The following ZFP14 variants were observed in gnomAD, a reference collection of about 807,000 sequenced individuals.
ZFP14 encodes the protein zinc finger protein 14 homolog.
Under a neutral mutation model 54.5 loss-of-function variants are expected in ZFP14, and 22 were observed. The observed-to-expected ratio is 0.40, with a 90% confidence interval of 0.29 to 0.58. ZFP14 has a LOEUF of 0.58. Ranked by LOEUF, ZFP14 falls within the 20% of genes least tolerant of loss-of-function variation. The probability of loss-of-function intolerance (pLI) is 0.39; values close to 1 mark genes in which losing one functional copy is unlikely to be tolerated. For missense variants in ZFP14, 470 were observed against 637.8 expected (o/e 0.74, Z 2.83); for synonymous variants, 159 against 204.0 (o/e 0.78, Z 1.88).
intron 2 of ZFP14, among the ~76,000 whole-genome samples, chr19:36,364,160 C>T (rs1404851855): frequency 6.6e-6 from 1 of 152,148 alleles, no homozygotes; most frequent in African/African-American, 2.4e-5. Context: ...CCTATTCACC[C>T]TGTTGGTGAA....
rs751461218 is a variant in ZFP14 at position 36,362,156 on chromosome 19, T to C, written c.92A>G (p.Tyr31Cys). The change falls in exon 3 of 5, where the codon TAT becomes TGT. Residue 31 changes from tyrosine to cysteine, a missense_variant. Tyr to Cys is a radical substitution (Grantham distance 194). Transcript: ENST00000270001. ...GTAGTTCTCCCACATTACATCCCTA[T>C]ATAAGTCCCTCTGAGCAGGATCCAG... ...EFLDPAQRDL[Y>C]RDVMWENYSN... 6.2e-7 allele frequency: 1 copy of C among 1,612,374 alleles called. No homozygotes were observed. The highest frequency in any genetic ancestry group is 8.5e-7 in the Non-Finnish European group (1 of 1,179,210).
Position 36,357,876 on chromosome 19 carries a change from G to A in ZFP14, c.235+2559C>T, listed in dbSNP as rs531759688. 1.2e-3 allele frequency among the ~76,000 whole-genome samples: 185 copies of A among 151,770 alleles called. 1 individual carries two copies. In the Middle Eastern group the frequency reaches 0.014, roughly 11 times the overall value. On this transcript the variant is annotated intron_variant, in intron 4 of 4. Transcript: ENST00000270001. ...TCATGCCTCACCCTCCCCAGTAGCT[G>A]GGATTACAGGCTTGCACCACCATGC...
intron 2 of ZFP14, among the ~76,000 whole-genome samples, chr19:36,366,014 C>A (rs2031788640): frequency 6.6e-6 from 1 of 151,208 alleles, no homozygotes; most frequent in Non-Finnish European, 1.5e-5. Flanking sequence ...CCTGTAATCT[C>A]AGCACTTTGG....
intron 4 of ZFP14, among the ~76,000 whole-genome samples, chr19:36,343,746 T>A (rs560951359): frequency 6.6e-6 from 1 of 152,336 alleles, no homozygotes; most frequent in African/African-American, 2.4e-5. Flanking sequence ...GCCTTCTTGC[T>A]GGTGACAACC....
chr19:36,349,715 T>A (rs1306065287), intron 4 of ZFP14, among the ~76,000 whole-genome samples: 1 of 146,992 alleles, frequency 6.8e-6, no homozygotes, highest in Non-Finnish European at 1.5e-5. Flanking sequence ...TAATATATAC[T>A]ATGTATATTA....
intron 4 of ZFP14, among the ~76,000 whole-genome samples, chr19:36,356,951 C>T (rs1017709373): frequency 2.1e-4 from 32 of 152,090 alleles, no homozygotes; most frequent in African/African-American, 7.7e-4. Flanking sequence ...ACCACTATTA[C>T]TCTCCCAGTC....
chr19:36,362,011 A>C, intron 3 of ZFP14, 101 bp downstream of exon 3: 1 of 1,406,700 alleles, frequency 7.1e-7, no homozygotes, highest in Non-Finnish European at 9.5e-7. Flanking sequence ...AGCTTAAATC[A>C]TTCCTTTGAG....
At chr19:36,343,670 G>A (rs2031362906) in intron 4 of ZFP14, among the ~76,000 whole-genome samples, 1 of 152,190 alleles carries the variant, frequency 6.6e-6, no homozygotes, top group Non-Finnish European at 1.5e-5. Context: ...GACGGATTAA[G>A]GAGTTTATTT....
Position 36,338,538 on chromosome 19 carries a change from T to G in ZFP14, c.*1686A>C, listed in dbSNP as rs2031248593. 1 of 151,490 alleles carries G rather than the reference T, an allele frequency of 6.6e-6. No homozygotes were observed. The highest frequency in any genetic ancestry group is 1.5e-5 in the Non-Finnish European group (1 of 67,950). The allele number at this position is 151,490 out of a possible 1,614,324, so 9.4% of individuals were successfully genotyped here. ...CTTTCTCTAAAAAAAAAAAAAAAAT[T>G]TAGGTGGAAGAATCACTTGAGCCCA... On this transcript the variant is annotated 3_prime_UTR_variant, in exon 5 of 5. Transcript: ENST00000270001.
intron 1 of ZFP14, among the ~76,000 whole-genome samples, chr19:36,369,148 T>C (rs1194807932): frequency 6.6e-6 from 1 of 151,908 alleles, no homozygotes; most frequent in East Asian, 1.9e-4. Context: ...GGCCCCACTT[T>C]CCTTTTAGTA....
chr19:36,349,694 T>TATAA (rs1342037801), intron 4 of ZFP14, among the ~76,000 whole-genome samples: 5 of 143,084 alleles, frequency 3.5e-5, no homozygotes, highest in South Asian at 2.1e-4. Context: ...TATATATATA[T>TATAA]AATATATATA....
chr19:36,369,565 T>G (rs1568474049), intron 1 of ZFP14, among the ~76,000 whole-genome samples: 2 of 151,840 alleles, frequency 1.3e-5, no homozygotes, highest in African/African-American at 4.8e-5. Context: ...CGCCTGCCAC[T>G]ACGCCCGGCT....
rs1242948819 is a variant in ZFP14 at position 36,334,572 on chromosome 19, C to G, written c.*5652G>C. 5 of 152,146 alleles carry G rather than the reference C, an allele frequency of 3.3e-5. No homozygotes were observed. The highest frequency in any genetic ancestry group is 3.3e-4 in the Admixed American group (5 of 15,274). 9.4% of individuals were successfully genotyped at this position (152,146 alleles called of 1,614,324 possible). On this transcript the variant is annotated 3_prime_UTR_variant, in exon 5 of 5. Coordinates refer to ENST00000270001, the MANE Select transcript of ZFP14 (RefSeq NM_020917.3). ...ATCAAGGATCGGGCTGGAATCTTTT[C>G]CATTCTATAGAAAAGCACTAACCAT...
At position 36,341,766 on chromosome 19, in the gene ZFP14, T is replaced by G. The variant is rs1404007137; in HGVS notation, c.236-176A>C. 6.6e-6 allele frequency among the ~76,000 whole-genome samples: 1 copy of G among 152,192 alleles called. No individual in the cohort carries two copies. Among genetic ancestry groups the G allele is most frequent in the Non-Finnish European group, 1.5e-5 (1 of 68,024 alleles). On this transcript the variant is annotated intron_variant, in intron 4 of 4. Coordinates refer to ENST00000270001, the MANE Select transcript of ZFP14 (RefSeq NM_020917.3). The surrounding 1 kb of genome is among the most constrained non-coding windows in gnomAD (Gnocchi z 4.2). ...TTTCTGCCACAATCTTATATATGTG[T>G]ACCTAAAAAACCTTATCTTCTACAA... is the stretch of plus-strand genomic sequence containing the variant.
chr19:36,359,198 T>G (rs1274427246), intron 4 of ZFP14, among the ~76,000 whole-genome samples: 4 of 152,250 alleles, frequency 2.6e-5, no homozygotes. Context: ...TTTTTTCTGT[T>G]AATATGGTGA....
chr19:36,360,613 T>G, intron 3 of ZFP14, 80 bp from the exon 4 acceptor site: 1 of 1,276,368 alleles, frequency 7.8e-7, no homozygotes, highest in Non-Finnish European at 1.1e-6. Flanking sequence ...TATAATTAAC[T>G]ACAGATCAAT....
chr19:36,359,796 A>T (rs1033554085), intron 4 of ZFP14, among the ~76,000 whole-genome samples: 1 of 152,044 alleles, frequency 6.6e-6, no homozygotes, highest in Non-Finnish European at 1.5e-5. Flanking sequence ...CTGGGACTAC[A>T]GGTGCCCGCC....
chr19:36,352,132 C>G (rs891428382), intron 4 of ZFP14, among the ~76,000 whole-genome samples: 1 of 138,758 alleles, frequency 7.2e-6, no homozygotes, highest in South Asian at 2.3e-4. Flanking sequence ...TGCAGCGAGC[C>G]GAGATCGTGC....
chr19:36,352,169 G>A (rs2031538423), intron 4 of ZFP14, among the ~76,000 whole-genome samples: 1 of 137,688 alleles, frequency 7.3e-6, no homozygotes, highest in African/African-American at 2.8e-5. Context: ...GGGCAACGGA[G>A]CCAGACTCTG....
Sources: allele counts gnomAD v4.1 joint callset (sites outside exome capture counted in the v4.1 genomes callset), GRCh38; gene constraint gnomAD v4.1.1; non-coding constraint Gnocchi (gnomAD v3.1); transcripts MANE v1.5; gene names NCBI Gene and HGNC (gene_info 2026-07-23, HGNC 2026-07-21).